Variants in ZFAND3 observed in about 807,000 individuals in gnomAD.
ZFAND3 encodes zinc finger AN1-type containing 3, also known as AN1-type zinc finger protein 3.
In ZFAND3, 10 loss-of-function variants were observed where a neutral mutation model predicts 29.6. That is an observed-to-expected ratio of 0.34 (90% CI 0.21 to 0.57). The LOEUF (loss-of-function observed/expected upper bound fraction) is 0.57. Among genes scored for constraint, ZFAND3 ranks in the 20% least tolerant of loss-of-function variants. The pLI is 0.86. For synonymous variants in ZFAND3, 128 were observed against 112.6 expected (o/e 1.14, Z -0.87); for missense variants, 230 against 304.5 (o/e 0.76, Z 1.82).
Position 38,152,670 on chromosome 6 carries a change from C to G in ZFAND3, c.*281C>G. On this transcript the variant is annotated 3_prime_UTR_variant, in exon 6 of 6. Transcript: ENST00000287218. ...GCTAGTGGATTTAAAACAACACATA[C>G]CTGTCACTGCTGGAGTCAAACTTAT... is the stretch of plus-strand genomic sequence containing the variant. 1 of 1,130,360 alleles carries G rather than the reference C, an allele frequency of 8.8e-7. No individual in the cohort carries two copies. Among genetic ancestry groups the G allele is most frequent in the Non-Finnish European group, 1.1e-6 (1 of 924,150 alleles). The allele number at this position is 1,130,360 out of a possible 1,614,324, so 70.0% of individuals were successfully genotyped here.
At position 38,090,781 on chromosome 6, in the gene ZFAND3, T is replaced by C. The variant is rs144822293; in HGVS notation, c.361+8324T>C. On this transcript the variant is annotated intron_variant, in intron 4 of 5. Coordinates refer to ENST00000287218, the MANE Select transcript of ZFAND3 (RefSeq NM_021943.3). ...TAGAATGAAGGAGTGAGGTAAAATATACTAATAATTAGATGATTTGATACT... is the reference window on the plus strand; with the variant it reads ...TAGAATGAAGGAGTGAGGTAAAATACACTAATAATTAGATGATTTGATACT... 5.1e-3 allele frequency among the ~76,000 whole-genome samples: 779 copies of C among 152,302 alleles called. 7 individuals are homozygous for C. Among genetic ancestry groups the C allele is most frequent in the African/African-American group, 0.018 (732 of 41,552 alleles).
intron 2 of ZFAND3, among the ~76,000 whole-genome samples, chr6:38,041,690 TCTCCTTCTCCTCCTCCTCCTC>T (rs1763775165): frequency 7.1e-5 from 1 of 14,168 alleles, no homozygotes; most frequent in African/African-American, 3.0e-4. Flanking sequence ...TTCTTCTCCT[TCTCCTTCTCCTCCTCCTCCTC>T]CTCCTCCTCC....
At chr6:37,960,558 T>C (rs571747327) in intron 2 of ZFAND3, among the ~76,000 whole-genome samples, 2 of 152,336 alleles carry the variant, frequency 1.3e-5, no homozygotes, top group East Asian at 3.9e-4. Flanking sequence ...ATTCTGCTGA[T>C]GTTCAAACAA....
At chr6:37,904,244 G>GA (rs904067613) in intron 1 of ZFAND3, among the ~76,000 whole-genome samples, 1 of 152,154 alleles carries the variant, frequency 6.6e-6, no homozygotes, top group African/African-American at 2.4e-5. Flanking sequence ...ATTAATGGGC[G>GA]AAGTTCCATC....
At chr6:38,138,601 CACAGG>C (rs1452790485) in intron 5 of ZFAND3, among the ~76,000 whole-genome samples, 1 of 152,124 alleles carries the variant, frequency 6.6e-6, no homozygotes, top group African/African-American at 2.4e-5. Context: ...TTATTCCTGC[CACAGG>C]ACATTTGCAT....
chr6:37,854,964 GTTTTTTTTT>G (rs34283914), intron 1 of ZFAND3, among the ~76,000 whole-genome samples: 42 of 78,982 alleles, frequency 5.3e-4, no homozygotes, highest in Non-Finnish European at 9.4e-4. Context: ...AATAATAGGT[GTTTTTTTTT>G]TTTTTTTTTT....
intron 1 of ZFAND3, chr6:37,833,145 A>G (rs868521410): frequency 7.2e-5 from 11 of 152,356 alleles, no homozygotes; most frequent in Admixed American, 2.0e-4. Flanking sequence ...CCTGGGCTCA[A>G]GCAGTCCACC....
intron 3 of ZFAND3, among the ~76,000 whole-genome samples, chr6:38,065,410 A>T (rs1306988781): frequency 6.6e-6 from 1 of 152,210 alleles, no homozygotes; most frequent in Non-Finnish European, 1.5e-5. Flanking sequence ...GAGGCAACTG[A>T]AGAAGTCAGG....
intron 1 of ZFAND3, among the ~76,000 whole-genome samples, chr6:37,896,856 T>A (rs1391645307): frequency 2.0e-5 from 3 of 152,060 alleles, no homozygotes; most frequent in African/African-American, 7.2e-5. Context: ...CAACCGAGAC[T>A]GAGATTTTCT....
chr6:37,914,079 A>T (rs1333345914), intron 1 of ZFAND3, among the ~76,000 whole-genome samples: 1 of 152,058 alleles, frequency 6.6e-6, no homozygotes, highest in Non-Finnish European at 1.5e-5. Flanking sequence ...AGCTGAAATG[A>T]TTCCTTGATC....
chr6:37,836,582 T>C (rs1763972770), intron 1 of ZFAND3, among the ~76,000 whole-genome samples: 1 of 152,184 alleles, frequency 6.6e-6, no homozygotes, highest in African/African-American at 2.4e-5. Context: ...TTTAAAGTCA[T>C]GTTAGTGCCT....
chr6:38,019,490 G>T (rs984401395), intron 2 of ZFAND3, among the ~76,000 whole-genome samples: 2 of 151,572 alleles, frequency 1.3e-5, no homozygotes, highest in Non-Finnish European at 2.9e-5. Context: ...CCAACAATTT[G>T]TCATTTGATC....
At chr6:38,117,460 A>G (rs1278315837) in intron 5 of ZFAND3, among the ~76,000 whole-genome samples, 2 of 152,154 alleles carry the variant, frequency 1.3e-5, no homozygotes, top group South Asian at 4.1e-4. Flanking sequence ...ACTTAAGTCA[A>G]CCCTTTCTCT....
At chr6:37,930,789 A>G (rs1761580598) in intron 2 of ZFAND3, among the ~76,000 whole-genome samples, 4 of 152,186 alleles carry the variant, frequency 2.6e-5, no homozygotes. Context: ...AGTCTTTGCT[A>G]ATTAGGATAT....
intron 2 of ZFAND3, among the ~76,000 whole-genome samples, chr6:38,019,240 G>A (rs1476064405): frequency 1.3e-5 from 2 of 152,176 alleles, no homozygotes; most frequent in Non-Finnish European, 2.9e-5. Flanking sequence ...TTACAGGCAT[G>A]AGGCACCACA....
chr6:38,132,692 C>T (rs560449184), intron 5 of ZFAND3, among the ~76,000 whole-genome samples: 1 of 152,364 alleles, frequency 6.6e-6, no homozygotes, highest in South Asian at 2.1e-4. Context: ...TAAACCCCAT[C>T]AGCAGTTTCC....
chr6:38,108,051 A>G (rs1374469256), intron 4 of ZFAND3, among the ~76,000 whole-genome samples: 1 of 152,238 alleles, frequency 6.6e-6, no homozygotes. Context: ...TTGATTGGAC[A>G]TGCCTTTAAG....
At chr6:38,142,522 C>G (rs1027045700) in intron 5 of ZFAND3, among the ~76,000 whole-genome samples, 8 of 152,216 alleles carry the variant, frequency 5.3e-5, no homozygotes, top group Non-Finnish European at 8.8e-5. Context: ...AACTTTGGAG[C>G]TGGTTTTGTA....
chr6:37,920,526 A>G (rs956850018), intron 1 of ZFAND3, among the ~76,000 whole-genome samples: 1 of 152,164 alleles, frequency 6.6e-6, no homozygotes, highest in African/African-American at 2.4e-5. Flanking sequence ...AGTACTTGAA[A>G]CACACAAAAA....
Sources: allele counts gnomAD v4.1 joint callset (sites outside exome capture counted in the v4.1 genomes callset), GRCh38; gene constraint gnomAD v4.1.1; transcripts MANE v1.5; gene names NCBI Gene and HGNC (gene_info 2026-07-23, HGNC 2026-07-21).